HECW1: variants seen among roughly 807,000 people sequenced by gnomAD.
HECW1 encodes the protein HECT, C2 and WW domain containing E3 ubiquitin protein ligase 1, also known as E3 ubiquitin-protein ligase HECW1.
In HECW1, 61 loss-of-function variants were observed where a neutral mutation model predicts 182.3. The observed-to-expected ratio is 0.33, with a 90% confidence interval of 0.27 to 0.41. HECW1 has a LOEUF of 0.41. Ranked by LOEUF, HECW1 falls within the 10% of genes least tolerant of loss-of-function variation. The pLI is 1.00. For synonymous variants in HECW1, 859 were observed against 832.6 expected (o/e 1.03, Z -0.55); for missense variants, 1,739 against 2,108.9 (o/e 0.82, Z 3.44).
chr7:43,527,220 A>T (rs746857403), intron 24 of HECW1, among the ~76,000 whole-genome samples: 15 of 152,136 alleles, frequency 9.9e-5, no homozygotes, highest in Non-Finnish European at 2.2e-4. Context: ...GGTGTTCTGG[A>T]CAAGCAAGGA....
intron 8 of HECW1, among the ~76,000 whole-genome samples, chr7:43,416,343 G>C (rs2075995553): frequency 6.6e-6 from 1 of 151,106 alleles, no homozygotes; most frequent in Non-Finnish European, 1.5e-5. Flanking sequence ...GGCTGCTCGG[G>C]GGTCAGGGGT....
At chr7:43,290,026 G>A (rs959293640) in intron 3 of HECW1, among the ~76,000 whole-genome samples, 1 of 152,202 alleles carries the variant, frequency 6.6e-6, no homozygotes, top group African/African-American at 2.4e-5. Flanking sequence ...TGTAGATGAA[G>A]CCTTATCGGT....
rs567271566 is a variant in HECW1 at position 43,544,108 on chromosome 7, G to A, written c.4248+2110G>A. Among the ~76,000 whole-genome samples, 39 of 152,214 alleles carry A rather than the reference G, an allele frequency of 2.6e-4. No individual in the cohort carries two copies. In the South Asian group the frequency reaches 8.1e-3, roughly 32 times the overall value. ...AGAGATAATTTTTATTTTTAATCTT[G>A]CACTAAAGAATGCTGATACAGATAT... On this transcript the variant is annotated intron_variant, in intron 26 of 29. Transcript: ENST00000395891.
intron 3 of HECW1, chr7:43,249,100 T>C (rs1472553540): frequency 6.6e-6 from 1 of 152,324 alleles, no homozygotes; most frequent in African/African-American, 2.4e-5. Flanking sequence ...GCTCGCCCTC[T>C]GCCCCCTAGG....
In HECW1 at chr7:43,562,844, A is replaced by C. The variant is rs2152967425; in HGVS notation, c.*918A>C. On this transcript the variant is annotated 3_prime_UTR_variant, in exon 30 of 30. Transcript: ENST00000395891. ...AAGAAGGACATATTACCTTGGTTTG[A>C]ATCCCTGAGTTCTGTACTGTTCTGT... 1 of 218,160 alleles carries C rather than the reference A, an allele frequency of 4.6e-6. No individual in the cohort carries two copies. Among genetic ancestry groups the C allele is most frequent in the African/African-American group, 2.2e-5 (1 of 44,578 alleles). 13.5% of individuals were successfully genotyped at this position (218,160 alleles called of 1,614,324 possible).
chr7:43,420,757 G>T (rs528965414), intron 8 of HECW1, among the ~76,000 whole-genome samples: 1 of 152,236 alleles, frequency 6.6e-6, no homozygotes, highest in African/African-American at 2.4e-5. Flanking sequence ...GAGGAATATG[G>T]TTACACCGTG....
intron 5 of HECW1, among the ~76,000 whole-genome samples, chr7:43,340,920 C>T (rs934170779): frequency 4.6e-5 from 7 of 151,714 alleles, no homozygotes; most frequent in Admixed American, 6.6e-5. Flanking sequence ...AAATGTCCAT[C>T]AATGATAGAG....
chr7:43,449,571 T>C (rs1187931143), intron 11 of HECW1, among the ~76,000 whole-genome samples: 1 of 152,200 alleles, frequency 6.6e-6, no homozygotes, highest in East Asian at 1.9e-4. Flanking sequence ...AACCATCCTT[T>C]CCATGTGTGG....
chr7:43,114,618 C>A (rs901492308), intron 2 of HECW1, among the ~76,000 whole-genome samples: 2 of 152,214 alleles, frequency 1.3e-5, no homozygotes, highest in Non-Finnish European at 2.9e-5. Context: ...AATTCCTAGA[C>A]CTCCAGGCAA....
chr7:43,157,428 A>G (rs1790004470), intron 2 of HECW1, among the ~76,000 whole-genome samples: 1 of 152,238 alleles, frequency 6.6e-6, no homozygotes, highest in East Asian at 1.9e-4. Flanking sequence ...TAAAATAATA[A>G]TTTTGACTGT....
chr7:43,193,538 C>T (rs1022530998), intron 2 of HECW1, among the ~76,000 whole-genome samples: 14 of 152,206 alleles, frequency 9.2e-5, no homozygotes, highest in Middle Eastern at 3.4e-3. Flanking sequence ...CCCACCACCA[C>T]GCCCAGCTAA....
At chr7:43,492,212 C>A in intron 18 of HECW1, 32 bp downstream of exon 18, 1 of 1,430,294 alleles carries the variant, frequency 7.0e-7, no homozygotes, top group South Asian at 1.2e-5. Context: ...GCCCCTGGCT[C>A]AAAGAATAGC....
intron 2 of HECW1, among the ~76,000 whole-genome samples, chr7:43,193,517 G>T (rs1166056940): frequency 3.9e-5 from 6 of 152,048 alleles, no homozygotes; most frequent in Admixed American, 6.6e-5. Context: ...AAGTAGCTGG[G>T]ATTAAAGGTG....
chr7:43,163,467 C>G (rs1039352357), intron 2 of HECW1, among the ~76,000 whole-genome samples: 4 of 152,174 alleles, frequency 2.6e-5, no homozygotes, highest in Admixed American at 2.6e-4. Flanking sequence ...TGGAGGCAGG[C>G]TCTGCTTCTG....
chr7:43,467,881 G>C (rs1178639388), intron 15 of HECW1, among the ~76,000 whole-genome samples: 2 of 152,134 alleles, frequency 1.3e-5, no homozygotes, highest in Non-Finnish European at 1.5e-5. Context: ...GCTGCAAAGG[G>C]GGGGATCAGT....
chr7:43,123,875 C>T (rs141112139), intron 2 of HECW1, among the ~76,000 whole-genome samples: 22 of 152,302 alleles, frequency 1.4e-4, no homozygotes, highest in South Asian at 6.2e-4. Context: ...CTCAGTTAAA[C>T]GGCACATATT....
At chr7:43,355,110 CCCAGAGAAA>C (rs1444956515) in intron 5 of HECW1, among the ~76,000 whole-genome samples, 1 of 151,478 alleles carries the variant, frequency 6.6e-6, no homozygotes, top group Non-Finnish European at 1.5e-5. Flanking sequence ...TAAATTATTT[CCCAGAGAAA>C]CAAAGGCTAA....
At chr7:43,532,259 ACCT>A (rs1179551774) in intron 24 of HECW1, among the ~76,000 whole-genome samples, 2 of 151,266 alleles carry the variant, frequency 1.3e-5, no homozygotes, top group African/African-American at 4.9e-5. Context: ...CCAGACTCTG[ACCT>A]CCTCACCTCC....
At chr7:43,248,279 T>C (rs1021003766) in intron 3 of HECW1, among the ~76,000 whole-genome samples, 4 of 152,104 alleles carry the variant, frequency 2.6e-5, no homozygotes, top group African/African-American at 9.7e-5. Context: ...CATTGTTACA[T>C]CAGTCTCCTT....
Sources: gnomAD v4.1 joint callset for allele counts (sites outside exome capture counted in the v4.1 genomes callset) on GRCh38, gnomAD v4.1.1 for gene constraint, MANE v1.5 for transcripts, NCBI Gene and HGNC (gene_info 2026-07-23, HGNC 2026-07-21) for gene names.